Variants in PLCE1 observed in about 807,000 individuals in gnomAD.
PLCE1 encodes the protein 1-phosphatidylinositol 4,5-bisphosphate phosphodiesterase epsilon-1.
In PLCE1, 119 loss-of-function variants were observed where a neutral mutation model predicts 242.8. The observed-to-expected ratio is 0.49, with a 90% confidence interval of 0.42 to 0.57. PLCE1 has a LOEUF of 0.57. PLCE1 is among the 20% of genes least tolerant of loss of function. The probability of loss-of-function intolerance (pLI) is 0.00; values close to 1 mark genes in which losing one functional copy is unlikely to be tolerated. For synonymous variants in PLCE1, 945 were observed against 1,017.4 expected, an observed-to-expected ratio of 0.93 and a Z score of 1.35; for missense variants, 2,441 against 2,788.8, an observed-to-expected ratio of 0.88 and a Z score of 2.81.
At chr10:94,149,167 G>A (rs769869990) in intron 3 of PLCE1, among the ~76,000 whole-genome samples, 1 of 152,136 alleles carries the variant, frequency 6.6e-6, no homozygotes, top group African/African-American at 2.4e-5. Flanking sequence ...ATCTACCCCC[G>A]TGTGCCAAGG....
rs2054117389 is a variant in PLCE1, at chr10:94,328,685, AC to A, written c.*743del. 2 of 152,226 alleles carry A rather than the reference AC, an allele frequency of 1.3e-5. No individual in the cohort carries two copies. The highest frequency in any genetic ancestry group is 2.9e-5 in the Non-Finnish European group (2 of 68,046). The allele number at this position is 152,226 out of a possible 1,614,324, so 9.4% of individuals were successfully genotyped here. A position where few individuals can be genotyped will look rare whatever the true frequency, so the allele number is the denominator to read the frequency against. On this transcript the variant is annotated 3_prime_UTR_variant, in exon 33 of 33. Coordinates refer to ENST00000371380, the MANE Select transcript of PLCE1 (RefSeq NM_016341.4). The stretch of plus-strand genomic sequence containing the variant: ...ATTTCAAGTGTAAATATGTCCTATA[AC>A]ATAAGAGTCATTAAAATTCAATTTA...
intron 2 of PLCE1, chr10:94,108,521 T>C (rs959838963): frequency 2.6e-5 from 4 of 152,302 alleles, no homozygotes; most frequent in Non-Finnish European, 4.4e-5. Context: ...CTAATCAGGC[T>C]GCTAGGAGGA....
chr10:94,265,258 G>C (rs1014800624), intron 14 of PLCE1, among the ~76,000 whole-genome samples: 9 of 152,178 alleles, frequency 5.9e-5, no homozygotes, highest in Non-Finnish European at 1.3e-4. Flanking sequence ...TGCTCATTAT[G>C]ATTTTACTAA....
At chr10:94,132,872 C>T (rs1002716104) in intron 3 of PLCE1, among the ~76,000 whole-genome samples, 4 of 148,562 alleles carry the variant, frequency 2.7e-5, no homozygotes, top group African/African-American at 1.0e-4. Flanking sequence ...ATGGTGTGAA[C>T]CTGAGAGGTG....
chr10:94,199,681 G>A (rs1180273032), intron 4 of PLCE1, among the ~76,000 whole-genome samples: 1 of 152,170 alleles, frequency 6.6e-6, no homozygotes, highest in Non-Finnish European at 1.5e-5. Context: ...TCCAGTTTTT[G>A]AACTTTTCAC....
chr10:94,306,474 G>T lies in PLCE1; in HGVS notation c.5670G>T (p.Pro1890=). 6.2e-7 allele frequency: 1 copy of T among 1,613,988 alleles called. No individual in the cohort carries two copies. The highest frequency in any genetic ancestry group is 8.5e-7 in the Non-Finnish European group (1 of 1,179,902). ...NVCPSNSMGS[P]CIEVDVLGMP... Reference sequence around the variant, plus strand: ...GCCCCAGTAATAGCATGGGAAGCCCGTGCATTGAAGTCGACGTCCTGGGCA... The same window carrying T: ...GCCCCAGTAATAGCATGGGAAGCCCTTGCATTGAAGTCGACGTCCTGGGCA... The change falls in exon 26 of 33, where the codon CCG becomes CCT. Residue 1890 remains proline, a synonymous_variant. Transcript: ENST00000371380. This position sits in a 1 kb window ranked among gnomAD's most constrained non-coding sequence, Gnocchi z 5.7.
chr10:94,254,214 G>A lies in PLCE1; in HGVS notation c.3304G>A (p.Asp1102Asn), dbSNP rs763011760. The change falls in exon 10 of 33, where the codon GAT (aspartate) becomes AAT (asparagine). Residue 1102 changes from aspartate (D) to asparagine (N), a missense_variant. Around this residue, in one of 5 missense-constraint regions of PLCE1, gnomAD observed 1,004 missense variants for 1,322.7 expected, o/e 0.76. Coordinates refer to ENST00000371380, the MANE Select transcript of PLCE1 (RefSeq NM_016341.4). ...GGGTGAGAGTGGAGAGGTAACTGAC[G>A]ATGAGATGGCAACCCGAAAGGCCAA... ...MRGESGEVTD[D>N]EMATRKAKMH... 4 of 1,613,874 alleles carry A rather than the reference G, an allele frequency of 2.5e-6. No homozygotes were observed. Among genetic ancestry groups the A allele is most frequent in the Admixed American group, 1.7e-5 (1 of 60,010 alleles).
intron 1 of PLCE1, among the ~76,000 whole-genome samples, chr10:94,007,568 T>G (rs1233317289): frequency 1.6e-5 from 2 of 128,584 alleles, no homozygotes; most frequent in East Asian, 5.0e-4. Context: ...AAATACATTC[T>G]CTCTCTCTTT....
At chr10:94,286,520 T>G (rs2052454406) in intron 22 of PLCE1, among the ~76,000 whole-genome samples, 2 of 152,196 alleles carry the variant, frequency 1.3e-5, no homozygotes, top group Admixed American at 1.3e-4. Context: ...AGTGAGCTTT[T>G]CACACATCAG....
intron 24 of PLCE1, among the ~76,000 whole-genome samples, chr10:94,303,670 T>C (rs1190225091): frequency 2.0e-5 from 3 of 152,252 alleles, no homozygotes; most frequent in Non-Finnish European, 4.4e-5. Context: ...GCAAGAATTG[T>C]CCATACAATT....
At chr10:94,184,066 C>G (rs996918908) in intron 4 of PLCE1, among the ~76,000 whole-genome samples, 9 of 152,156 alleles carry the variant, frequency 5.9e-5, no homozygotes, top group Non-Finnish European at 1.3e-4. Context: ...CAAAATACCC[C>G]CTGAATTGGC....
In PLCE1 at chr10:94,319,955, C is replaced by T. The variant is rs548769006; in HGVS notation, c.6343-1946C>T. On this transcript the variant is annotated intron_variant, in intron 29 of 32. Coordinates refer to ENST00000371380, the MANE Select transcript of PLCE1 (RefSeq NM_016341.4). ...CGCGATCTCAGCTCACTGCAAATTC[C>T]GCCTCCCGGGTTCACACCACTCTCC... Among the ~76,000 whole-genome samples, 74 of 146,484 alleles carry T rather than the reference C, an allele frequency of 5.1e-4. No individual in the cohort carries two copies. The Middle Eastern group carries it at 0.012, about 23-fold the overall frequency.
At chr10:94,222,624 C>G (rs1432910097) in intron 4 of PLCE1, among the ~76,000 whole-genome samples, 1 of 152,174 alleles carries the variant, frequency 6.6e-6, no homozygotes. Context: ...GCAGCCTCAC[C>G]CTTTCCTTTA....
rs538934591 is a variant in PLCE1 at position 94,273,752 on chromosome 10, G to A, written c.4665+32G>A. On this transcript the variant is annotated intron_variant, in intron 19 of 32. Coordinates refer to ENST00000371380, the MANE Select transcript of PLCE1 (RefSeq NM_016341.4). The stretch of plus-strand genomic sequence containing the variant: ...CCCTCTGTTAAACCAGTTATGAAAA[G>A]GCAGTGTGCCTAGAACAAAGAAAAA... 7.4e-5 allele frequency: 119 copies of A among 1,600,370 alleles called. No homozygotes were observed. In the South Asian group the frequency reaches 1.3e-3, roughly 17 times the overall value.
intron 3 of PLCE1, among the ~76,000 whole-genome samples, chr10:94,142,017 A>G (rs866214121): frequency 6.6e-6 from 1 of 152,324 alleles, no homozygotes. Context: ...AAAATGCCAG[A>G]GAATAGCTGC....
chr10:94,257,250 A>G (rs967726842), intron 11 of PLCE1, among the ~76,000 whole-genome samples: 33 of 151,460 alleles, frequency 2.2e-4, no homozygotes, highest in African/African-American at 7.3e-4. Flanking sequence ...AGTCTTAAAT[A>G]TATAGTTTTT....
chr10:94,089,090 G>T, intron 2 of PLCE1: 1 of 1,613,452 alleles, frequency 6.2e-7, no homozygotes, highest in South Asian at 1.1e-5. Flanking sequence ...GGGTCGTGGT[G>T]ATTAATGGTT....
rs1442161699 is a variant in PLCE1 at position 94,279,826 on chromosome 10, G to A, written c.4710G>A (p.Gly1570=). Residue 1570 remains glycine, a synonymous_variant, in exon 20 of 33, where the codon GGG becomes GGA. Transcript: ENST00000371380. ...ASMQVQAYNG[G]NANPRPANNE... ...TGCAAGTGCAGGCTTATAATGGTGG[G>A]AATGCCAACCCCCGACCTGCCAATA... 1 of 1,613,636 alleles carries A rather than the reference G, an allele frequency of 6.2e-7. No homozygotes were observed. Among genetic ancestry groups the A allele is most frequent in the South Asian group, 1.1e-5 (1 of 91,074 alleles).
intron 32 of PLCE1, chr10:94,325,333 G>A (rs1051880684): frequency 8.3e-5 from 36 of 435,100 alleles, no homozygotes; most frequent in Admixed American, 4.5e-4. Context: ...GCGTGGTGGC[G>A]CATGCCTGTA....
Sources: allele counts gnomAD v4.1 joint callset (sites outside exome capture counted in the v4.1 genomes callset), GRCh38; gene constraint gnomAD v4.1.1; regional missense constraint gnomAD v4.1.1; non-coding constraint Gnocchi (gnomAD v3.1); transcripts MANE v1.5; gene names NCBI Gene and HGNC (gene_info 2026-07-23, HGNC 2026-07-21).